Variants in BACE2 observed in about 807,000 individuals in gnomAD.
BACE2 encodes 56 kDa aspartic-like protease.
In BACE2, 17 loss-of-function variants were observed where a neutral mutation model predicts 46.2. That is an observed-to-expected ratio of 0.37 (90% CI 0.25 to 0.55). The LOEUF is 0.55. BACE2 is among the 20% of genes least tolerant of loss of function. The pLI is 0.82. For synonymous variants in BACE2, 277 were observed against 295.9 expected (o/e 0.94, Z 0.66); for missense variants, 595 against 698.1 (o/e 0.85, Z 1.66).
intron 1 of BACE2, chr21:41,183,778 G>A (rs1985240039): frequency 6.0e-6 from 1 of 167,110 alleles, no homozygotes; most frequent in African/African-American, 2.4e-5. Flanking sequence ...GTTAGCTCTA[G>A]TATTGATGGA....
chr21:41,201,326 G>C (rs1399660659), intron 1 of BACE2, among the ~76,000 whole-genome samples: 1 of 152,212 alleles, frequency 6.6e-6, no homozygotes, highest in African/African-American at 2.4e-5. Flanking sequence ...AGTTGAGTTT[G>C]TTTTTCACAA....
chr21:41,191,604 G>T (rs932884455), intron 1 of BACE2, among the ~76,000 whole-genome samples: 3 of 152,148 alleles, frequency 2.0e-5, no homozygotes, highest in Non-Finnish European at 4.4e-5. Flanking sequence ...TTGAGGACTC[G>T]GTGTTGGTCT....
At chr21:41,255,658 C>T (rs1338301072) in intron 7 of BACE2, among the ~76,000 whole-genome samples, 1 of 152,166 alleles carries the variant, frequency 6.6e-6, no homozygotes, top group Non-Finnish European at 1.5e-5. Flanking sequence ...GTGCAGAGAG[C>T]AGCACCTGAG....
At chr21:41,259,241 G>A (rs961324789) in intron 8 of BACE2, among the ~76,000 whole-genome samples, 2 of 151,938 alleles carry the variant, frequency 1.3e-5, no homozygotes, top group African/African-American at 4.8e-5. Context: ...TACAGCTTTT[G>A]TTCCTTTTTT....
intron 8 of BACE2, among the ~76,000 whole-genome samples, chr21:41,267,845 T>A (rs550402089): frequency 6.6e-6 from 1 of 152,286 alleles, no homozygotes; most frequent in African/African-American, 2.4e-5. Flanking sequence ...TCCAGAATGT[T>A]TTTCTAAGTA....
intron 2 of BACE2, among the ~76,000 whole-genome samples, chr21:41,227,054 G>A (rs1601287526): frequency 6.6e-6 from 1 of 152,240 alleles, no homozygotes; most frequent in Non-Finnish European, 1.5e-5. Context: ...CCAGCGGCTT[G>A]TGGCAGCCTT....
intron 1 of BACE2, among the ~76,000 whole-genome samples, chr21:41,209,602 A>C (rs2410406): frequency 0.4 from 60,297 of 152,120 alleles, 14,537 homozygotes; most frequent in African/African-American, 0.68. Context: ...AGGTGCTTTT[A>C]TAGAGGCAGG....
chr21:41,255,293 G>T (rs67525224), intron 7 of BACE2, among the ~76,000 whole-genome samples: 1 of 151,916 alleles, frequency 6.6e-6, no homozygotes, highest in African/African-American at 2.4e-5. Flanking sequence ...GGGAGTCTCA[G>T]GCTAGATCAC....
intron 2 of BACE2, among the ~76,000 whole-genome samples, chr21:41,228,666 A>T (rs1163554283): frequency 2.0e-5 from 3 of 152,192 alleles, no homozygotes; most frequent in Non-Finnish European, 4.4e-5. Flanking sequence ...CAAGGCACAA[A>T]GCCATTCTTG....
intron 1 of BACE2, among the ~76,000 whole-genome samples, chr21:41,188,184 T>C (rs1985444794): frequency 6.6e-6 from 1 of 152,072 alleles, no homozygotes; most frequent in South Asian, 2.1e-4. Flanking sequence ...TGGGCCGTGT[T>C]TATAGAGAGT....
chr21:41,173,986 C>T (rs1026071968), intron 1 of BACE2, among the ~76,000 whole-genome samples: 1 of 151,718 alleles, frequency 6.6e-6, no homozygotes, highest in East Asian at 1.9e-4. Flanking sequence ...ACAGGTGCTT[C>T]CCCCCATACT....
intron 1 of BACE2, among the ~76,000 whole-genome samples, chr21:41,217,673 G>C (rs1014589099): frequency 6.6e-6 from 1 of 152,290 alleles, no homozygotes; most frequent in Admixed American, 6.5e-5. Flanking sequence ...TTTAGGTCCC[G>C]GCCCTTGCTC....
At chr21:41,236,477 T>A (rs1463368622) in intron 2 of BACE2, among the ~76,000 whole-genome samples, 2 of 152,230 alleles carry the variant, frequency 1.3e-5, no homozygotes, top group Non-Finnish European at 2.9e-5. Context: ...GTGAATGTCG[T>A]TCTGCGTCAG....
chr21:41,168,337 CCCCCGCG>C lies in BACE2; in HGVS notation c.78_84del (p.Ala27SerfsTer14). ...CTCCTGCGCGCCGCCCCGGAGCTGG[CCCCCGCG>C]CCCTTCACGCTGCCCCTCCGGGTGG... On this transcript the variant is annotated frameshift_variant, in exon 1 of 9. Coordinates refer to ENST00000330333, the MANE Select transcript of BACE2 (RefSeq NM_012105.5). LOFTEE classifies it high-confidence loss of function. 1 of 1,363,974 alleles carries C rather than the reference CCCCCGCG, an allele frequency of 7.3e-7. No individual in the cohort carries two copies. The highest frequency in any genetic ancestry group is 9.5e-7 in the Non-Finnish European group (1 of 1,056,284). 84.5% of individuals were successfully genotyped at this position (1,363,974 alleles called of 1,614,324 possible).
At chr21:41,174,139 C>CGTTTTTTTTTTTTTTTTT (rs1984713004) in intron 1 of BACE2, among the ~76,000 whole-genome samples, 1 of 48,500 alleles carries the variant, frequency 2.1e-5, no homozygotes, top group Non-Finnish European at 3.1e-5. Flanking sequence ...GATCAGTGGC[C>CGTTTTTTTTTTTTTTTTT]TTTTTTTTTT....
At chr21:41,222,961 C>T (rs1986701851) in intron 1 of BACE2, among the ~76,000 whole-genome samples, 1 of 152,196 alleles carries the variant, frequency 6.6e-6, no homozygotes, top group Admixed American at 6.5e-5. Context: ...GTGGGGGCAG[C>T]TGGAGCTCAA....
chr21:41,280,658 T>C lies in BACE2; in HGVS notation c.*5034T>C, dbSNP rs1339260565. On this transcript the variant is annotated 3_prime_UTR_variant, in exon 9 of 9. Coordinates refer to ENST00000330333, the MANE Select transcript of BACE2 (RefSeq NM_012105.5). ...CACCCTGTTAGCCACATCTGCGGAATGTGGAAGGCAGAACATAGCCACGCT... is the reference window on the plus strand; with the variant it reads ...CACCCTGTTAGCCACATCTGCGGAACGTGGAAGGCAGAACATAGCCACGCT... 1 of 152,204 alleles carries C rather than the reference T, an allele frequency of 6.6e-6. No homozygotes were observed. The highest frequency in any genetic ancestry group is 1.5e-5 in the Non-Finnish European group (1 of 68,054). The allele number at this position is 152,204 out of a possible 1,614,324, so 9.4% of individuals were successfully genotyped here. A position where few individuals can be genotyped will look rare whatever the true frequency, so the allele number is the denominator to read the frequency against.
At chr21:41,194,055 C>T (rs1222796479) in intron 1 of BACE2, among the ~76,000 whole-genome samples, 2 of 152,176 alleles carry the variant, frequency 1.3e-5, no homozygotes, top group Non-Finnish European at 2.9e-5. Context: ...GGTTCTGGGT[C>T]TGTAAACTAG....
At chr21:41,198,976 C>A (rs914870174) in intron 1 of BACE2, among the ~76,000 whole-genome samples, 1 of 151,150 alleles carries the variant, frequency 6.6e-6, no homozygotes, top group African/African-American at 2.4e-5. Flanking sequence ...CACCCATTAA[C>A]TCGTCATTTA....
Sources: gnomAD v4.1 joint callset for allele counts (sites outside exome capture counted in the v4.1 genomes callset) on GRCh38, gnomAD v4.1.1 for gene constraint, MANE v1.5 for transcripts, NCBI Gene and HGNC (gene_info 2026-07-23, HGNC 2026-07-21) for gene names.